SENP5: variants seen among roughly 807,000 people sequenced by gnomAD.
SENP5 encodes SUMO specific peptidase 5, also known as sentrin-specific protease 5.
Under a neutral mutation model 74.2 loss-of-function variants are expected in SENP5, and 21 were observed. That is an observed-to-expected ratio of 0.28 (90% CI 0.20 to 0.41). The LOEUF (loss-of-function observed/expected upper bound fraction) is 0.41. Ranked by LOEUF, SENP5 falls within the 10% of genes least tolerant of loss-of-function variation. The probability of loss-of-function intolerance (pLI) is 1.00; values close to 1 mark genes in which losing one functional copy is unlikely to be tolerated. For synonymous variants in SENP5, 311 were observed against 312.7 expected (o/e 0.99, Z 0.06); for missense variants, 717 against 889.1 (o/e 0.81, Z 2.46).
chr3:196,926,888 C>T (rs1357910746), intron 7 of SENP5, among the ~76,000 whole-genome samples: 9 of 152,142 alleles, frequency 5.9e-5, no homozygotes, highest in Admixed American at 5.9e-4. Flanking sequence ...ATGTGATCCA[C>T]CTGCCTCAGC....
intron 6 of SENP5, among the ~76,000 whole-genome samples, chr3:196,921,870 A>G: frequency 6.6e-6 from 1 of 152,350 alleles, no homozygotes; most frequent in East Asian, 1.9e-4. Flanking sequence ...AAAATGTTTT[A>G]ACCCAAGTAA....
At chr3:196,884,055 T>C (rs1053924861) in intron 1 of SENP5, among the ~76,000 whole-genome samples, 2 of 152,246 alleles carry the variant, frequency 1.3e-5, no homozygotes, top group African/African-American at 4.8e-5. Context: ...CACTTAAGAC[T>C]GATTCCATAT....
Position 196,885,205 on chromosome 3 carries a change from A to T in SENP5, c.24A>T (p.Leu8=). Residue 8 remains leucine, a synonymous_variant, in exon 2 of 10, where the codon CTA becomes CTT. Coordinates refer to ENST00000323460, the MANE Select transcript of SENP5 (RefSeq NM_152699.5). ...AAATGAAAAAACAGAGGAAAATTCT[A>T]TGGAGGAAAGGAATCCACTTAGCCT... MKKQRKI[L]WRKGIHLAFS... The T allele has an allele frequency of 1.2e-6, 2 of 1,611,366 alleles. No individual in the cohort carries two copies. Among genetic ancestry groups the T allele is most frequent in the Middle Eastern group, 1.7e-4 (1 of 6,046 alleles).
At chr3:196,882,657 C>A (rs1185523098) in intron 1 of SENP5, among the ~76,000 whole-genome samples, 1 of 152,124 alleles carries the variant, frequency 6.6e-6, no homozygotes, top group African/African-American at 2.4e-5. Flanking sequence ...GCATGCACCA[C>A]CATGCCCAGC....
intron 6 of SENP5, among the ~76,000 whole-genome samples, chr3:196,917,003 A>G (rs747660396): frequency 2.0e-5 from 3 of 151,948 alleles, no homozygotes; most frequent in Non-Finnish European, 4.4e-5. Flanking sequence ...GCGTGGTGAC[A>G]CAGGTCTGTA....
rs1216227131 is a variant in SENP5, at chr3:196,886,015, C to T, written c.834C>T (p.Thr278=). Residue 278 remains threonine (T), a synonymous_variant, in exon 2 of 10, where the codon ACC becomes ACT. Coordinates refer to ENST00000323460, the MANE Select transcript of SENP5 (RefSeq NM_152699.5). The stretch of plus-strand genomic sequence containing the variant: ...AAGTCACTGGGGACCATCAAGAGAC[C>T]CGTAGGGAGAACGGTGAGGGTGGCA... The part of the protein sequence containing the change: ...VQKVTGDHQE[T]RRENGEGGSC... The T allele has an allele frequency of 3.1e-6, 5 of 1,614,062 alleles. No individual in the cohort carries two copies. The highest frequency in any genetic ancestry group is 4.2e-6 in the Non-Finnish European group (5 of 1,180,034).
chr3:196,900,688 C>T (rs980140976), intron 5 of SENP5, among the ~76,000 whole-genome samples: 19 of 152,068 alleles, frequency 1.2e-4, no homozygotes, highest in Admixed American at 2.6e-4. Flanking sequence ...CGGGTTCAAG[C>T]GATTCTCCTG....
rs559142785 is a variant in SENP5 at position 196,875,660 on chromosome 3, G to A, written c.-32+7587G>A. Among the ~76,000 whole-genome samples, 18 of 152,274 alleles carry A rather than the reference G, an allele frequency of 1.2e-4. 1 individual carries two copies. The East Asian group carries it at 2.7e-3, about 23-fold the overall frequency. The stretch of plus-strand genomic sequence containing the variant: ...TCAGAGAAAAAATAATTTCTTCAGA[G>A]AGGTGTTTCCTGACCCTTTTGCCAG... On this transcript the variant is annotated intron_variant, in intron 1 of 9. Transcript: ENST00000323460.
chr3:196,908,919 C>T (rs907903929), intron 6 of SENP5, among the ~76,000 whole-genome samples: 1 of 151,936 alleles, frequency 6.6e-6, no homozygotes, highest in African/African-American at 2.4e-5. Flanking sequence ...AAGATCAGAG[C>T]AGAACTGAAG....
At position 196,871,171 on chromosome 3, in the gene SENP5, G is replaced by GA. The variant is rs201032206; in HGVS notation, c.-32+3107dup. ...GGCAACAGGGTGAGACTCTGTCTCA[G>GA]AAAAAAAAACAAAAAACAAGTGATG... On this transcript the variant is annotated intron_variant, in intron 1 of 9. Transcript: ENST00000323460. Among the ~76,000 whole-genome samples the GA allele has an allele frequency of 4.7e-3, 700 of 148,618 alleles. 8 individuals carry two copies. Among genetic ancestry groups the GA allele is most frequent in the African/African-American group, 0.016 (653 of 40,564 alleles).
chr3:196,875,282 A>C (rs1713407034), intron 1 of SENP5, among the ~76,000 whole-genome samples: 1 of 152,176 alleles, frequency 6.6e-6, no homozygotes, highest in African/African-American at 2.4e-5. Flanking sequence ...TCACTTTGCT[A>C]CATCCTCCCA....
At chr3:196,929,968 A>G (rs1715963520) in intron 9 of SENP5, among the ~76,000 whole-genome samples, 1 of 148,068 alleles carries the variant, frequency 6.8e-6, no homozygotes, top group Admixed American at 6.9e-5. Flanking sequence ...TGTCCATATC[A>G]TAACCATTGG....
chr3:196,871,204 A>G (rs572356439), intron 1 of SENP5, among the ~76,000 whole-genome samples: 4 of 152,288 alleles, frequency 2.6e-5, no homozygotes, highest in Admixed American at 6.5e-5. Flanking sequence ...ATGGTAACAC[A>G]TAGGTTGTCT....
At chr3:196,894,965 G>A (rs995362381) in intron 2 of SENP5, among the ~76,000 whole-genome samples, 4 of 152,080 alleles carry the variant, frequency 2.6e-5, no homozygotes, top group African/African-American at 9.7e-5. Context: ...TAGGTTTTGC[G>A]CATTGCTTAT....
intron 6 of SENP5, chr3:196,914,580 AAAAAAAATATAT>A (rs1341227961): frequency 1.4e-5 from 1 of 70,152 alleles, no homozygotes; most frequent in African/African-American, 6.2e-5. Flanking sequence ...AAAAAAAAAA[AAAAAAAATATAT>A]ATATATATAT....
intron 1 of SENP5, among the ~76,000 whole-genome samples, chr3:196,874,536 C>G (rs1713368019): frequency 6.6e-6 from 1 of 152,068 alleles, no homozygotes; most frequent in African/African-American, 2.4e-5. Context: ...TGATTTTTGA[C>G]CTTATCTCCC....
chr3:196,882,556 T>C (rs1713771582), intron 1 of SENP5, among the ~76,000 whole-genome samples: 2 of 152,192 alleles, frequency 1.3e-5, no homozygotes, highest in Admixed American at 6.5e-5. Flanking sequence ...CAGGCTAGAC[T>C]GCAGTGGTGC....
chr3:196,932,048 G>C lies in SENP5; in HGVS notation c.*1125G>C, dbSNP rs573559284. 2 of 337,868 alleles carry C rather than the reference G, an allele frequency of 5.9e-6. No individual in the cohort carries two copies. The highest frequency in any genetic ancestry group is 2.2e-5 in the African/African-American group (1 of 44,940). The allele number at this position is 337,868 out of a possible 1,614,324, so 20.9% of individuals were successfully genotyped here. A position where few individuals can be genotyped will look rare whatever the true frequency, so the allele number is the denominator to read the frequency against. ...GGTACGTCTGGCTTCTGCATGGCCA[G>C]TGCTGACACTAGCACAGCTGTTCTT... On this transcript the variant is annotated 3_prime_UTR_variant, in exon 10 of 10. Coordinates refer to ENST00000323460, the MANE Select transcript of SENP5 (RefSeq NM_152699.5).
At chr3:196,917,372 TAGAGAG>T (rs143330138) in intron 6 of SENP5, among the ~76,000 whole-genome samples, 15 of 146,996 alleles carry the variant, frequency 1.0e-4, no homozygotes, top group African/African-American at 3.3e-4. Flanking sequence ...AAAGAGGAGG[TAGAGAG>T]AGAGAGAGAG....
Sources: gnomAD v4.1 joint callset for allele counts (sites outside exome capture counted in the v4.1 genomes callset) on GRCh38, gnomAD v4.1.1 for gene constraint, MANE v1.5 for transcripts, NCBI Gene and HGNC (gene_info 2026-07-23, HGNC 2026-07-21) for gene names.